Variants in IGF2R observed in about 807,000 individuals in gnomAD.
The protein encoded by IGF2R is insulin like growth factor 2 receptor, also known as cation-independent mannose-6-phosphate receptor.
IGF2R carries 91 observed loss-of-function variants against 270.6 expected under a neutral mutation model. The observed-to-expected ratio is 0.34, with a 90% confidence interval of 0.28 to 0.40. The LOEUF (loss-of-function observed/expected upper bound fraction) is 0.40, where lower values mean the gene tolerates loss of function less well. IGF2R is among the 10% of genes least tolerant of loss of function. The probability of loss-of-function intolerance (pLI) is 1.00; values close to 1 mark genes in which losing one functional copy is unlikely to be tolerated. For missense variants in IGF2R, 2,805 were observed against 3,188.3 expected (o/e 0.88, Z 2.90); for synonymous variants, 1,316 against 1,258.9 (o/e 1.05, Z -0.96).
At chr6:159,981,970 C>T (rs1051572395) in intron 1 of IGF2R, among the ~76,000 whole-genome samples, 1 of 152,220 alleles carries the variant, frequency 6.6e-6, no homozygotes, top group Admixed American at 6.5e-5. Flanking sequence ...TATTTGTCGG[C>T]CCTGTATCTT....
At chr6:160,063,709 T>C (rs1778493801) in intron 27 of IGF2R, 79 bp downstream of exon 27, 4 of 1,055,996 alleles carry the variant, frequency 3.8e-6, no homozygotes, top group Admixed American at 2.4e-5. Context: ...AGATGAATTT[T>C]CCCTTGAGTC....
intron 4 of IGF2R, among the ~76,000 whole-genome samples, chr6:160,014,767 T>A (rs1188470299): frequency 1.3e-5 from 2 of 152,226 alleles, no homozygotes; most frequent in Admixed American, 6.5e-5. Context: ...AGCTTTAGAT[T>A]TGCAGGATAA....
chr6:160,012,737 C>T (rs1048708846), intron 4 of IGF2R, among the ~76,000 whole-genome samples: 5 of 130,334 alleles, frequency 3.8e-5, no homozygotes, highest in South Asian at 2.5e-4. Flanking sequence ...CCACCATGCC[C>T]GGCTAATTTA....
rs1779675530 is a variant in IGF2R, at chr6:160,108,561, A to G, written c.*3477A>G. ...GCTGTGCTGAGCTGAGAAGCCTCAG[A>G]CTGCCTGCGAGGCTCTCTCTGGGAG... On this transcript the variant is annotated 3_prime_UTR_variant, in exon 48 of 48. Coordinates refer to ENST00000356956, the MANE Select transcript of IGF2R (RefSeq NM_000876.4). The G allele has an allele frequency of 6.6e-6, 1 of 152,228 alleles. No individual in the cohort carries two copies. The highest frequency in any genetic ancestry group is 1.5e-5 in the Non-Finnish European group (1 of 68,062). The allele number at this position is 152,228 out of a possible 1,614,324, so 9.4% of individuals were successfully genotyped here.
In IGF2R at chr6:160,072,829, G is replaced by T; in HGVS notation, c.4635G>T (p.Lys1545Asn). The change falls in exon 33 of 48, where the codon AAG becomes AAT. Residue 1545 changes from lysine (K) to asparagine (N), a missense_variant. Lys to Asn is a moderately conservative substitution (Grantham distance 94, BLOSUM62 0). Coordinates refer to ENST00000356956, the MANE Select transcript of IGF2R (RefSeq NM_000876.4). ...GATTCACAGCTGCTTACAGCGAGAA[G>T]GGGTTGGTTTACATGAGCATCTGTG... The part of the protein sequence containing the change: ...RAGFTAAYSE[K>N]GLVYMSICGE... 1 of 1,614,214 alleles carries T rather than the reference G, an allele frequency of 6.2e-7. No homozygotes were observed. Among genetic ancestry groups the T allele is most frequent in the Non-Finnish European group, 8.5e-7 (1 of 1,180,026 alleles).
intron 1 of IGF2R, among the ~76,000 whole-genome samples, chr6:159,977,737 AG>A (rs1412564636): frequency 1.2e-4 from 18 of 152,222 alleles, no homozygotes; most frequent in Admixed American, 7.9e-4. Context: ...CTCCCCTCAC[AG>A]GCCTTGGGCA....
intron 1 of IGF2R, among the ~76,000 whole-genome samples, chr6:159,978,374 C>T (rs1200519147): frequency 1.3e-5 from 2 of 151,550 alleles, no homozygotes; most frequent in Non-Finnish European, 2.9e-5. Context: ...CGGGGGTCAC[C>T]CTCCTGCATG....
chr6:160,052,512 A>G (rs1425128151), intron 19 of IGF2R, among the ~76,000 whole-genome samples: 1 of 152,230 alleles, frequency 6.6e-6, no homozygotes, highest in Non-Finnish European at 1.5e-5. Flanking sequence ...TACTGCCCAA[A>G]GTAATTTGTA....
At chr6:160,036,581 G>T (rs1777831248) in intron 10 of IGF2R, among the ~76,000 whole-genome samples, 1 of 152,140 alleles carries the variant, frequency 6.6e-6, no homozygotes, top group Admixed American at 6.5e-5. Flanking sequence ...CTTTGAGAGT[G>T]TGCTGATCTC....
chr6:160,080,083 T>C (rs769401677), intron 38 of IGF2R, 46 bp from the exon 39 acceptor site: 10 of 1,603,490 alleles, frequency 6.2e-6, no homozygotes, highest in African/African-American at 1.3e-5. Flanking sequence ...TGATTGTGCC[T>C]GGCGAGGCAC....
intron 13 of IGF2R, 115 bp from the exon 14 acceptor site, chr6:160,045,630 A>C: frequency 1.5e-6 from 2 of 1,296,620 alleles, no homozygotes; most frequent in Non-Finnish European, 2.2e-6. Flanking sequence ...CCTTCTATGC[A>C]TTATACCTCA....
rs1337453909 is a variant in IGF2R, at chr6:160,009,033, A to G, written c.313A>G (p.Thr105Ala). 4 of 1,613,890 alleles carry G rather than the reference A, an allele frequency of 2.5e-6. No individual in the cohort carries two copies. The highest frequency in any genetic ancestry group is 1.3e-5 in the African/African-American group (1 of 74,896). Residue 105 changes from threonine (T) to alanine (A), a missense_variant, in exon 3 of 48, where the codon ACC becomes GCC. Transcript: ENST00000356956. ...AGGTGACTCTGTTTTGAGAAGTGCA[A>G]CCAGATCTCTCCTGGAATTCAACAC... ...SVGDSVLRSA[T>A]RSLLEFNTTV...
intron 2 of IGF2R, among the ~76,000 whole-genome samples, chr6:159,992,053 T>A (rs1345081903): frequency 6.6e-6 from 1 of 152,200 alleles, no homozygotes; most frequent in African/African-American, 2.4e-5. Context: ...ATGTCCGTGG[T>A]GACCTTTCAC....
At chr6:160,055,107 T>A (rs1158615874) in intron 19 of IGF2R, among the ~76,000 whole-genome samples, 1 of 152,154 alleles carries the variant, frequency 6.6e-6, no homozygotes, top group Non-Finnish European at 1.5e-5. Flanking sequence ...TTGTACACAC[T>A]CTCCTTGGGT....
At chr6:160,088,389 A>C (rs1444070668) in intron 42 of IGF2R, among the ~76,000 whole-genome samples, 1 of 152,220 alleles carries the variant, frequency 6.6e-6, no homozygotes, top group African/African-American at 2.4e-5. Context: ...TAGGTTTAGC[A>C]CTGGCTGAGC....
rs201861416 is a variant in IGF2R at position 160,044,661 on chromosome 6, A to G, written c.1765+4A>G. 2.1e-5 allele frequency: 34 copies of G among 1,593,186 alleles called. No individual in the cohort carries two copies. Among genetic ancestry groups the G allele is most frequent in the Non-Finnish European group, 2.8e-5 (33 of 1,173,828 alleles). ...ATCACACTTGTATGCAAGCCAGGTA[A>G]AAATTTTAAAAAAGATGAAATCTTT... On this transcript the variant is annotated splice_donor_region_variant and intron_variant, in intron 13 of 47. Transcript: ENST00000356956.
chr6:160,031,125 A>T (rs113681589), intron 7 of IGF2R, among the ~76,000 whole-genome samples: 30,303 of 152,058 alleles, frequency 0.2, 3,514 homozygotes, highest in East Asian at 0.52. Context: ...TACAGGTGTG[A>T]GCCACCGCAC....
rs77116657 is a variant in IGF2R at position 160,104,371 on chromosome 6, C to T, written c.7066-303C>T. 1.2e-3 allele frequency among the ~76,000 whole-genome samples: 184 copies of T among 152,060 alleles called. 6 individuals carry two copies. The East Asian group carries it at 0.033, about 28-fold the overall frequency. ...GCTGGGGGATCACTGGTCTGCTTTT[C>T]GGTCCAGGCCATCCCGAACGCCTTC... On this transcript the variant is annotated intron_variant, in intron 47 of 47. Transcript: ENST00000356956.
intron 2 of IGF2R, among the ~76,000 whole-genome samples, chr6:160,002,983 G>A (rs1007440652): frequency 7.2e-5 from 11 of 152,124 alleles, no homozygotes; most frequent in African/African-American, 2.4e-4. Context: ...TTAACTTGAG[G>A]TAATGTACTC....
Sources: gnomAD v4.1 joint callset for allele counts (sites outside exome capture counted in the v4.1 genomes callset) on GRCh38, gnomAD v4.1.1 for gene constraint, MANE v1.5 for transcripts, NCBI Gene and HGNC (gene_info 2026-07-23, HGNC 2026-07-21) for gene names.